Variants in OC90 observed in about 807,000 individuals in gnomAD.
OC90 encodes the protein otoconin-90.
In OC90, 46 loss-of-function variants were observed where a neutral mutation model predicts 47.3. That is an observed-to-expected ratio of 0.97 (90% CI 0.77 to 1.24). OC90 has a LOEUF of 1.24. OC90 is among the 50% of genes most tolerant of loss of function. The probability of loss-of-function intolerance (pLI) is 0.00; values close to 1 mark genes in which losing one functional copy is unlikely to be tolerated. For synonymous variants in OC90, 271 were observed against 219.5 expected (o/e 1.23, Z -2.07); for missense variants, 688 against 583.9 (o/e 1.18, Z -1.84).
At chr8:132,052,245 G>A (rs181116463) in intron 2 of OC90, among the ~76,000 whole-genome samples, 1 of 152,288 alleles carries the variant, frequency 6.6e-6, no homozygotes, top group East Asian at 1.9e-4. Flanking sequence ...TTCAGGCAGG[G>A]AGGTAGACTT....
intron 3 of OC90, 36 bp from the exon 4 acceptor site, chr8:132,044,525 T>A: frequency 8.6e-7 from 1 of 1,166,332 alleles, no homozygotes; most frequent in Non-Finnish European, 1.3e-6. Context: ...AGAGTCTTGG[T>A]TTTTCCTTTT....
intron 4 of OC90, 144 bp from the exon 5 acceptor site, chr8:132,041,843 C>G: frequency 1.9e-6 from 1 of 522,402 alleles, no homozygotes; most frequent in Non-Finnish European, 3.4e-6. Flanking sequence ...CTGTTTTAGA[C>G]TAAGCCATCA....
rs777671489 is a variant in OC90 at position 132,029,112 on chromosome 8, G to A, written c.1099C>T (p.Pro367Ser). ...TCCACACACACCACCGGTGACCAAG[G>A]AAGCCTCTCAAGCAGGCAGCCCAGC... ...RRLGCLLERL[P>S]WSPVVCVDHT... Residue 367 changes from proline to serine, a missense_variant, in exon 13 of 14, where the codon CCT becomes TCT. By Grantham distance (74) the Pro-to-Ser change is moderately conservative (BLOSUM62 -1). Coordinates refer to ENST00000254627, the MANE Select transcript of OC90 (RefSeq NM_001080399.3). 6.2e-7 allele frequency: 1 copy of A among 1,613,924 alleles called. No individual in the cohort carries two copies. The highest frequency in any genetic ancestry group is 1.1e-5 in the South Asian group (1 of 91,072).
chr8:132,035,326 C>A (rs929012700), intron 9 of OC90, among the ~76,000 whole-genome samples: 1 of 152,156 alleles, frequency 6.6e-6, no homozygotes, highest in African/African-American at 2.4e-5. Context: ...GCAGCAAGGG[C>A]TTCTTATATT....
chr8:132,049,576 T>C (rs1359665389), intron 2 of OC90, among the ~76,000 whole-genome samples: 1 of 152,218 alleles, frequency 6.6e-6, no homozygotes, highest in Non-Finnish European at 1.5e-5. Flanking sequence ...TTTCATTCTC[T>C]GAAGATGTAA....
intron 2 of OC90, among the ~76,000 whole-genome samples, chr8:132,047,371 A>G (rs1823147578): frequency 6.6e-6 from 1 of 152,218 alleles, no homozygotes; most frequent in African/African-American, 2.4e-5. Context: ...AATTATAAAA[A>G]AGTTTGTTTC....
rs1354919498 is a variant in OC90 at position 132,029,062 on chromosome 8, A to G, written c.1138+11T>C. 2.5e-6 allele frequency: 4 copies of G among 1,587,878 alleles called. No individual in the cohort carries two copies. The highest frequency in any genetic ancestry group is 2.2e-5 in the East Asian group (1 of 44,760). ...GAAATAATAACTCAATGTGCAACCAACAGCACTTACACTTGGGCGTATGAT... is the reference window on the plus strand; with the variant it reads ...GAAATAATAACTCAATGTGCAACCAGCAGCACTTACACTTGGGCGTATGAT... On this transcript the variant is annotated intron_variant, in intron 13 of 13. Transcript: ENST00000254627.
In OC90 at chr8:132,024,608, G is replaced by A. The variant is rs759587109; in HGVS notation, c.1307C>T (p.Pro436Leu). 6 of 1,613,552 alleles carry A rather than the reference G, an allele frequency of 3.7e-6. No homozygotes were observed. Among genetic ancestry groups the A allele is most frequent in the Non-Finnish European group, 4.2e-6 (5 of 1,179,730 alleles). Residue 436 changes from proline to leucine, a missense_variant, in exon 14 of 14, where the codon CCC becomes CTC. Pro to Leu is a moderately conservative substitution (Grantham distance 98). Coordinates refer to ENST00000254627, the MANE Select transcript of OC90 (RefSeq NM_001080399.3). ...CTCCTCAGAGCTGGAGCCCAGGGTG[G>A]GGGCTGCGGGCACAGGGTGCAGGCT... ...EDSLHPVPAAPTLGSSSEEDS... is the reference protein window; with the variant it reads ...EDSLHPVPAALTLGSSSEEDS...
chr8:132,036,255 A>G (rs12682408), intron 9 of OC90: 65,897 of 696,028 alleles, frequency 0.095, 3,834 homozygotes, highest in South Asian at 0.2. Flanking sequence ...GTATAATAAT[A>G]TTTATTTCAG....
intron 10 of OC90, among the ~76,000 whole-genome samples, chr8:132,033,638 T>A (rs1822909595): frequency 6.6e-6 from 1 of 152,226 alleles, no homozygotes. Flanking sequence ...CAGAATCCAG[T>A]GCAAGTTCCT....
At chr8:132,052,885 C>A (rs377446576) in intron 2 of OC90, among the ~76,000 whole-genome samples, 1 of 152,130 alleles carries the variant, frequency 6.6e-6, no homozygotes, top group Non-Finnish European at 1.5e-5. Flanking sequence ...AACTGAGACT[C>A]TTCGATGAAG....
chr8:132,043,162 A>T (rs924353040), intron 4 of OC90, among the ~76,000 whole-genome samples: 1 of 152,250 alleles, frequency 6.6e-6, no homozygotes, highest in South Asian at 2.1e-4. Flanking sequence ...AATGTGGTAC[A>T]GATATTCACA....
At chr8:132,048,251 A>C (rs1823161720) in intron 2 of OC90, among the ~76,000 whole-genome samples, 1 of 152,262 alleles carries the variant, frequency 6.6e-6, no homozygotes, top group Admixed American at 6.5e-5. Flanking sequence ...AAAACTTTCA[A>C]ATATGTCAGT....
At position 132,041,513 on chromosome 8, in the gene OC90, GAACTCACTTAC is replaced by G. The variant is rs1366298458; in HGVS notation, c.344+1_344+11del. On this transcript the variant is annotated splice_donor_variant and splice_donor_5th_base_variant and intron_variant, in intron 5 of 13. Coordinates refer to ENST00000254627, the MANE Select transcript of OC90 (RefSeq NM_001080399.3). LOFTEE classifies it high-confidence loss of function. ...CTTTTTTTGGTCTTGCTCACCTGTG[GAACTCACTTAC>G]CTGTCAGATTCATCCACAGGCAACC... The G allele has an allele frequency of 6.2e-6, 10 of 1,604,746 alleles. No homozygotes were observed. In the Admixed American group the frequency reaches 1.7e-4, roughly 27 times the overall value.
At chr8:132,039,866 C>T (rs932697345) in intron 6 of OC90, among the ~76,000 whole-genome samples, 4 of 152,108 alleles carry the variant, frequency 2.6e-5, no homozygotes, top group African/African-American at 7.2e-5. Context: ...CTTTTCTTGA[C>T]CTTCCCATTT....
chr8:132,051,496 C>A (rs1196763123), intron 2 of OC90, among the ~76,000 whole-genome samples: 3 of 152,182 alleles, frequency 2.0e-5, no homozygotes, highest in Non-Finnish European at 4.4e-5. Context: ...AAATGTGAAT[C>A]CACATTCCAG....
At chr8:132,036,495 G>T in intron 9 of OC90, 1 of 774,072 alleles carries the variant, frequency 1.3e-6, no homozygotes. Flanking sequence ...CAGATTTGGG[G>T]GCTGAGGATG....
chr8:132,030,651 A>G (rs1280575379), intron 12 of OC90, among the ~76,000 whole-genome samples: 2 of 152,226 alleles, frequency 1.3e-5, no homozygotes, highest in Non-Finnish European at 2.9e-5. Flanking sequence ...GAATGTAAAC[A>G]TGCTTATGAC....
chr8:132,044,520 C>G (rs745478713), intron 3 of OC90, 31 bp from the exon 4 acceptor site: 50 of 1,307,994 alleles, frequency 3.8e-5, no homozygotes, highest in Non-Finnish European at 5.3e-5. Context: ...AAATGAGAGT[C>G]TTGGTTTTTC....
Sources: gnomAD v4.1 joint callset for allele counts (sites outside exome capture counted in the v4.1 genomes callset) on GRCh38, gnomAD v4.1.1 for gene constraint, MANE v1.5 for transcripts, NCBI Gene and HGNC (gene_info 2026-07-23, HGNC 2026-07-21) for gene names.